The following RHOT1 variants were observed in gnomAD, a reference collection of about 807,000 sequenced individuals.
RHOT1 encodes the protein mitochondrial Rho GTPase 1.
In RHOT1, 27 loss-of-function variants were observed where a neutral mutation model predicts 95.3. That is an observed-to-expected ratio of 0.28 (90% CI 0.21 to 0.39). The LOEUF (loss-of-function observed/expected upper bound fraction) is 0.39, where lower values mean the gene tolerates loss of function less well. RHOT1 is among the 10% of genes least tolerant of loss of function. RHOT1 has a pLI of 1.00. For synonymous variants in RHOT1, 227 were observed against 263.5 expected, an observed-to-expected ratio of 0.86 and a Z score of 1.34; for missense variants, 578 against 786.7, an observed-to-expected ratio of 0.73 and a Z score of 3.17.
At chr17:32,168,567 C>G (rs1358544656) in intron 1 of RHOT1, among the ~76,000 whole-genome samples, 1 of 150,798 alleles carries the variant, frequency 6.6e-6, no homozygotes, top group African/African-American at 2.4e-5. Context: ...AGCCACTGCA[C>G]CAGACATATA....
chr17:32,171,194 G>T (rs1329270461), intron 2 of RHOT1, 93 bp downstream of exon 2: 5 of 866,198 alleles, frequency 5.8e-6, no homozygotes, highest in South Asian at 1.7e-5. Context: ...CATGTGTTAT[G>T]TGCTTCCTTT....
At position 32,208,742 on chromosome 17, in the gene RHOT1, G is replaced by A. The variant is rs565246851; in HGVS notation, c.1739+433G>A. 5 of 161,268 alleles carry A rather than the reference G, an allele frequency of 3.1e-5. No individual in the cohort carries two copies. The South Asian group carries it at 6.8e-4, about 22-fold the overall frequency. 10.0% of individuals were successfully genotyped at this position (161,268 alleles called of 1,614,324 possible). On this transcript the variant is annotated intron_variant, in intron 18 of 19. Coordinates refer to ENST00000545287, the MANE Select transcript of RHOT1 (RefSeq NM_001033566.3). ...TTTATTAATTTATGTTGAAATTGTG[G>A]GTATGCTTCAGTTAGGATATGTCTT...
rs531768803 is a variant in RHOT1, at chr17:32,222,974, C to G, written c.1863-1642C>G. The G allele has an allele frequency of 4.3e-6, 3 of 698,102 alleles. No individual in the cohort carries two copies. In the East Asian group the frequency reaches 4.0e-4, roughly 93 times the overall value. The allele number at this position is 698,102 out of a possible 1,614,324, so 43.2% of individuals were successfully genotyped here. A position where few individuals can be genotyped will look rare whatever the true frequency, so the allele number is the denominator to read the frequency against. ...AAAACCTAAGCATTTTCTTCTCTGACTTTTTTTTTAATAAAATGCTGCCTG... is the reference window on the plus strand; with the variant it reads ...AAAACCTAAGCATTTTCTTCTCTGAGTTTTTTTTTAATAAAATGCTGCCTG... On this transcript the variant is annotated intron_variant, in intron 19 of 19. Coordinates refer to ENST00000545287, the MANE Select transcript of RHOT1 (RefSeq NM_001033566.3).
chr17:32,202,289 C>G (rs1031319946), intron 14 of RHOT1, among the ~76,000 whole-genome samples: 5 of 152,158 alleles, frequency 3.3e-5, no homozygotes, highest in African/African-American at 1.2e-4. Context: ...GCCTCTTTTA[C>G]AGTTTACATT....
chr17:32,182,727 C>G (rs768766275), intron 6 of RHOT1, 30 bp from the exon 7 acceptor site: 6 of 1,251,828 alleles, frequency 4.8e-6, no homozygotes, highest in African/African-American at 4.5e-5. Flanking sequence ...CTTTTGCCTT[C>G]CTTATTACAA....
intron 2 of RHOT1, 54 bp downstream of exon 2, chr17:32,171,155 T>A: frequency 8.5e-7 from 1 of 1,182,138 alleles, no homozygotes; most frequent in Non-Finnish European, 1.2e-6. Flanking sequence ...AAAATCAAAT[T>A]AAAATGAACT....
At chr17:32,209,308 G>A in intron 18 of RHOT1, 2 of 1,125,482 alleles carry the variant, frequency 1.8e-6, no homozygotes, top group Non-Finnish European at 1.3e-6. Flanking sequence ...CCTTATTTAT[G>A]TTTTACCTTT....
intron 10 of RHOT1, 139 bp downstream of exon 10, chr17:32,193,383 T>G: frequency 1.5e-6 from 1 of 653,596 alleles, no homozygotes; most frequent in East Asian, 2.9e-5. Flanking sequence ...ATTTGGATAT[T>G]TATGAGTTGG....
chr17:32,170,140 C>T (rs369195841), intron 1 of RHOT1, among the ~76,000 whole-genome samples: 24 of 151,888 alleles, frequency 1.6e-4, no homozygotes, highest in African/African-American at 4.1e-4. Flanking sequence ...GATGGCTGGG[C>T]GCGGTAGCTC....
chr17:32,163,432 A>G (rs1206897253), intron 1 of RHOT1, among the ~76,000 whole-genome samples: 1 of 152,210 alleles, frequency 6.6e-6, no homozygotes, highest in Admixed American at 6.5e-5. Context: ...CCAGATATGT[A>G]AAAAGAATGT....
intron 1 of RHOT1, chr17:32,151,605 C>T (rs758350340): frequency 2.8e-5 from 8 of 286,194 alleles, no homozygotes; most frequent in Admixed American, 5.2e-5. Flanking sequence ...AATCATGGCC[C>T]GGAGCAGTGG....
At chr17:32,171,557 A>G (rs2034579086) in intron 2 of RHOT1, among the ~76,000 whole-genome samples, 1 of 152,228 alleles carries the variant, frequency 6.6e-6, no homozygotes, top group Admixed American at 6.5e-5. Context: ...CATCTATAAA[A>G]TGGAAGCTGA....
intron 2 of RHOT1, among the ~76,000 whole-genome samples, chr17:32,172,698 G>A (rs971843381): frequency 1.3e-5 from 2 of 152,208 alleles, no homozygotes; most frequent in Admixed American, 1.3e-4. Context: ...AGGTATGGTG[G>A]CGCATGCCTG....
At position 32,175,905 on chromosome 17, in the gene RHOT1, T is replaced by G. The variant is rs931924597; in HGVS notation, c.223-57T>G. 2.5e-6 allele frequency: 3 copies of G among 1,176,982 alleles called. No individual in the cohort carries two copies. The African/African-American group carries it at 4.7e-5, about 18-fold the overall frequency. The allele number at this position is 1,176,982 out of a possible 1,614,324, so 72.9% of individuals were successfully genotyped here. A position where few individuals can be genotyped will look rare whatever the true frequency, so the allele number is the denominator to read the frequency against. On this transcript the variant is annotated intron_variant, in intron 4 of 19. Transcript: ENST00000545287. ...ATATATTAATAAGTTGCTAATTAAG[T>G]GCTGTCTATGTTTTTATTATTTTTA...
In RHOT1 at chr17:32,194,126, TTTG is replaced by T. The variant is rs113778915; in HGVS notation, c.869+34_869+36del. ...TCCCCCTGTATGTACCTTTGTTTTT[TTTG>T]TTGTTGTTGTTGTTTAATTTTTTAT... On this transcript the variant is annotated intron_variant, in intron 11 of 19. Coordinates refer to ENST00000545287, the MANE Select transcript of RHOT1 (RefSeq NM_001033566.3). 9.9e-6 allele frequency: 16 copies of T among 1,608,422 alleles called. No individual in the cohort carries two copies. The highest frequency in any genetic ancestry group is 2.2e-5 in the East Asian group (1 of 44,822).
chr17:32,199,296 C>A (rs2037138272), intron 12 of RHOT1, 109 bp from the exon 13 acceptor site: 1 of 1,044,722 alleles, frequency 9.6e-7, no homozygotes, highest in South Asian at 1.6e-5. Context: ...AATTTGTTGT[C>A]ATTTATTAAG....
chr17:32,186,503 A>G (rs1034609784), intron 8 of RHOT1, among the ~76,000 whole-genome samples: 1 of 151,354 alleles, frequency 6.6e-6, no homozygotes, highest in African/African-American at 2.4e-5. Flanking sequence ...AGCTGGAACT[A>G]CAGGCGCCCA....
At position 32,162,542 on chromosome 17, in the gene RHOT1, C is replaced by T. The variant is rs113998846; in HGVS notation, c.38-8501C>T. Among the ~76,000 whole-genome samples, 1,214 of 152,256 alleles carry T rather than the reference C, an allele frequency of 8.0e-3. 21 individuals are homozygous for T. Among genetic ancestry groups the T allele is most frequent in the African/African-American group, 0.028 (1,177 of 41,540 alleles). On this transcript the variant is annotated intron_variant, in intron 1 of 19. Coordinates refer to ENST00000545287, the MANE Select transcript of RHOT1 (RefSeq NM_001033566.3). ...TTAAGAAAATCTTTGAATGCTAGTT[C>T]CAGAATCTCCAGGAGGTGGGACCAG... is the stretch of plus-strand genomic sequence containing the variant.
intron 9 of RHOT1, 54 bp downstream of exon 9, chr17:32,192,353 TGCTG>T: frequency 1.2e-6 from 1 of 839,452 alleles, no homozygotes. Context: ...TTTTTTTTTT[TGCTG>T]AAAGCTGTAA....
Sources: allele counts gnomAD v4.1 joint callset (sites outside exome capture counted in the v4.1 genomes callset), GRCh38; gene constraint gnomAD v4.1.1; transcripts MANE v1.5; gene names NCBI Gene and HGNC (gene_info 2026-07-23, HGNC 2026-07-21).